The following PACSIN1 variants were observed in gnomAD, a reference collection of about 807,000 sequenced individuals.
The protein encoded by PACSIN1 is protein kinase C and casein kinase substrate in neurons 1.
A neutral mutation model predicts 59.5 loss-of-function variants in PACSIN1; 15 were observed. The ratio of observed to expected loss-of-function variants is 0.25; its 90% CI spans 0.17 to 0.39. The LOEUF is 0.39. Ranked by LOEUF, PACSIN1 falls within the 10% of genes least tolerant of loss-of-function variation. The pLI is 1.00. For synonymous variants in PACSIN1, 210 were observed against 220.6 expected (o/e 0.95, Z 0.42); for missense variants, 420 against 580.2 (o/e 0.72, Z 2.84).
intron 1 of PACSIN1, among the ~76,000 whole-genome samples, chr6:34,495,662 A>T (rs1304906265): frequency 2.6e-5 from 4 of 152,154 alleles, no homozygotes; most frequent in Non-Finnish European, 5.9e-5. Context: ...CCTGTTGGCC[A>T]GGCTGGTCTT....
At chr6:34,481,667 C>A (rs1316294968) in intron 1 of PACSIN1, among the ~76,000 whole-genome samples, 1 of 146,116 alleles carries the variant, frequency 6.8e-6, no homozygotes, top group East Asian at 2.0e-4. Flanking sequence ...AAGACTCCAT[C>A]TAAAAAAAAA....
intron 1 of PACSIN1, among the ~76,000 whole-genome samples, chr6:34,499,817 A>G (rs1344250953): frequency 6.6e-6 from 1 of 152,114 alleles, no homozygotes; most frequent in Non-Finnish European, 1.5e-5. Flanking sequence ...AAAGAAAAAG[A>G]AAATATAGGG....
intron 1 of PACSIN1, among the ~76,000 whole-genome samples, chr6:34,522,029 T>C (rs979362616): frequency 6.6e-6 from 1 of 152,214 alleles, no homozygotes; most frequent in African/African-American, 2.4e-5. Flanking sequence ...CTTACCTCTC[T>C]GAGTCTTGGT....
At chr6:34,497,887 G>C (rs1451275387) in intron 1 of PACSIN1, among the ~76,000 whole-genome samples, 4 of 152,124 alleles carry the variant, frequency 2.6e-5, no homozygotes, top group Non-Finnish European at 5.9e-5. Context: ...TAGAAACTGA[G>C]AATACAGAGA....
chr6:34,466,981 C>G (rs1397813827), intron 1 of PACSIN1, among the ~76,000 whole-genome samples: 2 of 152,160 alleles, frequency 1.3e-5, no homozygotes, highest in African/African-American at 4.8e-5. Flanking sequence ...AACCCGGGAG[C>G]TTGGCCAGAC....
At chr6:34,528,944 G>A (rs1479395002) in intron 4 of PACSIN1, 67 bp downstream of exon 4, 2 of 1,293,984 alleles carry the variant, frequency 1.5e-6, no homozygotes, top group East Asian at 2.4e-5. Flanking sequence ...GCTGATCCCA[G>A]GGAGGGCATC....
intron 1 of PACSIN1, among the ~76,000 whole-genome samples, chr6:34,495,435 G>A (rs990811987): frequency 6.6e-6 from 1 of 151,858 alleles, no homozygotes; most frequent in African/African-American, 2.4e-5. Context: ...AATCTCCAAC[G>A]TGGGGATCAG....
Position 34,489,639 on chromosome 6 carries a change from T to C in PACSIN1, c.-64+23369T>C, listed in dbSNP as rs557003325. Among the ~76,000 whole-genome samples, 10 of 152,288 alleles carry C rather than the reference T, an allele frequency of 6.6e-5. No homozygotes were observed. The East Asian group carries it at 1.3e-3, about 21-fold the overall frequency. On this transcript the variant is annotated intron_variant, in intron 1 of 9. Transcript: ENST00000244458. ...TTCCAGTTATACACTCAGGGACCAG[T>C]GAGACTACCACTGGATGTCCTGTGG... is the stretch of plus-strand genomic sequence containing the variant.
chr6:34,513,871 T>C (rs1195963016), intron 1 of PACSIN1, among the ~76,000 whole-genome samples: 3 of 152,140 alleles, frequency 2.0e-5, no homozygotes, highest in Non-Finnish European at 4.4e-5. Context: ...GGCCACTCAT[T>C]ATTCAGCCCC....
rs778528359 is a variant in PACSIN1 at position 34,530,462 on chromosome 6, G to C, written c.912G>C (p.Glu304Asp). Residue 304 changes from glutamate to aspartate, a missense_variant and splice_region_variant, in exon 8 of 10, where the codon GAG becomes GAC. By Grantham distance (45) the Glu-to-Asp change is conservative (BLOSUM62 2). Transcript: ENST00000244458. This position sits in a 1 kb window ranked among gnomAD's most constrained non-coding sequence, Gnocchi z 4.4. The stretch of plus-strand genomic sequence containing the variant: ...GACTGCTCCACTGGCCCCACCAGGA[G>C]TGGAACCCAGACCTTCCTCACACCA... The part of the protein sequence containing the change: ...GMPMNWPQFE[E>D]WNPDLPHTTT... 1.7e-5 allele frequency: 28 copies of C among 1,600,374 alleles called. No individual in the cohort carries two copies. The highest frequency in any genetic ancestry group is 2.4e-5 in the Non-Finnish European group (28 of 1,172,674).
In PACSIN1 at chr6:34,529,681, G is replaced by A. The variant is rs1206319668; in HGVS notation, c.628G>A (p.Glu210Lys). The A allele has an allele frequency of 6.2e-7, 1 of 1,614,136 alleles. No homozygotes were observed. Among genetic ancestry groups the A allele is most frequent in the Non-Finnish European group, 8.5e-7 (1 of 1,180,008 alleles). Residue 210 changes from glutamate to lysine, a missense_variant, in exon 6 of 10, where the codon GAG becomes AAG. Transcript: ENST00000244458. This position sits in a 1 kb window ranked among gnomAD's most constrained non-coding sequence, Gnocchi z 6.3. Reference protein sequence around the residue: ...QDVQKTQEKYEKVLEDVGKTT... With the variant: ...QDVQKTQEKYKKVLEDVGKTT... Reference sequence around the variant, plus strand: ...GTGCCCACAGACACAGGAGAAGTATGAGAAAGTGCTGGAAGATGTGGGCAA... The same window carrying A: ...GTGCCCACAGACACAGGAGAAGTATAAGAAAGTGCTGGAAGATGTGGGCAA...
intron 1 of PACSIN1, among the ~76,000 whole-genome samples, chr6:34,482,334 C>T (rs1450368623): frequency 6.6e-6 from 1 of 152,180 alleles, no homozygotes; most frequent in Non-Finnish European, 1.5e-5. Flanking sequence ...GATCTGCCTG[C>T]CTCGGCCTCC....
chr6:34,494,650 C>T lies in PACSIN1; in HGVS notation c.-64+28380C>T, dbSNP rs1015468614. ...GTAGAGATGGTGTCTGGCTGTGTTG[C>T]CCGGGCTGCTCTTGAACTTCTGGGC... On this transcript the variant is annotated intron_variant, in intron 1 of 9. Coordinates refer to ENST00000244458, the MANE Select transcript of PACSIN1 (RefSeq NM_020804.5). Among the ~76,000 whole-genome samples, 3 of 152,098 alleles carry T rather than the reference C, an allele frequency of 2.0e-5. No individual in the cohort carries two copies. In the East Asian group the frequency reaches 5.8e-4, roughly 29 times the overall value.
intron 1 of PACSIN1, among the ~76,000 whole-genome samples, chr6:34,485,454 T>C (rs1444330682): frequency 6.6e-6 from 1 of 151,744 alleles, no homozygotes; most frequent in Non-Finnish European, 1.5e-5. Context: ...CTGGGTATAT[T>C]TTGAAGGGAG....
chr6:34,493,176 A>G (rs899613487), intron 1 of PACSIN1, among the ~76,000 whole-genome samples: 1 of 152,196 alleles, frequency 6.6e-6, no homozygotes, highest in Non-Finnish European at 1.5e-5. Flanking sequence ...GAGGAGGGCA[A>G]TTCTTGGAAA....
intron 1 of PACSIN1, among the ~76,000 whole-genome samples, chr6:34,500,918 C>G (rs1285800309): frequency 6.6e-6 from 1 of 152,218 alleles, no homozygotes. Context: ...CCTCATGAAC[C>G]AACCTCTGCT....
intron 1 of PACSIN1, among the ~76,000 whole-genome samples, chr6:34,470,728 G>C (rs1401096013): frequency 6.6e-6 from 1 of 151,960 alleles, no homozygotes; most frequent in South Asian, 2.1e-4. Flanking sequence ...AAAATAACTT[G>C]ATATTAAAAT....
intron 1 of PACSIN1, among the ~76,000 whole-genome samples, chr6:34,480,350 G>C (rs775506974): frequency 6.8e-6 from 1 of 147,868 alleles, no homozygotes; most frequent in South Asian, 2.1e-4. Flanking sequence ...TCAGCCTCTC[G>C]AGTGGCTGGG....
intron 1 of PACSIN1, among the ~76,000 whole-genome samples, chr6:34,482,847 C>A (rs907732331): frequency 6.6e-6 from 1 of 151,798 alleles, no homozygotes; most frequent in Admixed American, 6.6e-5. Context: ...CCACACCCAG[C>A]TAATTTTTGT....
Sources: gnomAD v4.1 joint callset for allele counts (sites outside exome capture counted in the v4.1 genomes callset) on GRCh38, gnomAD v4.1.1 for gene constraint, Gnocchi (gnomAD v3.1) non-coding constraint, MANE v1.5 for transcripts, NCBI Gene and HGNC (gene_info 2026-07-23, HGNC 2026-07-21) for gene names.